Variants in MYPN observed in about 807,000 individuals in gnomAD.
MYPN encodes sarcomeric protein myopalladin, 145 kDa (MYOP).
MYPN carries 63 observed loss-of-function variants against 129.4 expected under a neutral mutation model. The ratio of observed to expected loss-of-function variants is 0.49; its 90% CI spans 0.40 to 0.60. The LOEUF is 0.60. Ranked by LOEUF, MYPN falls within the 20% of genes least tolerant of loss-of-function variation. MYPN has a pLI of 0.00. For synonymous variants in MYPN, 629 were observed against 600.9 expected, an observed-to-expected ratio of 1.05 and a Z score of -0.68; for missense variants, 1,596 against 1,635.4, an observed-to-expected ratio of 0.98 and a Z score of 0.42.
chr10:68,195,413 G>A (rs1564694822), intron 14 of MYPN, 37 bp from the exon 15 acceptor site: 1 of 1,590,182 alleles, frequency 6.3e-7, no homozygotes, highest in Non-Finnish European at 8.6e-7. Flanking sequence ...ATGTGAGATT[G>A]TTCTTGTTTT....
chr10:68,166,703 G>C, intron 10 of MYPN, 37 bp downstream of exon 10: 1 of 1,611,748 alleles, frequency 6.2e-7, no homozygotes, highest in Non-Finnish European at 8.5e-7. Flanking sequence ...AGGAGCTTCT[G>C]TGATCTTTTC....
chr10:68,201,368 G>C (rs1486062598), intron 17 of MYPN, among the ~76,000 whole-genome samples: 2 of 152,214 alleles, frequency 1.3e-5, no homozygotes, highest in African/African-American at 4.8e-5. Context: ...GACATGAGGA[G>C]TGTTCTGACC....
intron 1 of MYPN, among the ~76,000 whole-genome samples, chr10:68,118,564 C>T (rs908106613): frequency 7.2e-5 from 11 of 152,104 alleles, no homozygotes; most frequent in African/African-American, 2.4e-4. Context: ...AGGCACGATG[C>T]CTCATGCCTG....
chr10:68,152,673 T>C (rs2042792746), intron 6 of MYPN, among the ~76,000 whole-genome samples: 1 of 152,234 alleles, frequency 6.6e-6, no homozygotes, highest in Admixed American at 6.5e-5. Context: ...TTCAGTCTTG[T>C]TGCCCAGGCT....
At chr10:68,185,914 A>G (rs1190345456) in intron 12 of MYPN, among the ~76,000 whole-genome samples, 1 of 152,238 alleles carries the variant, frequency 6.6e-6, no homozygotes, top group East Asian at 1.9e-4. Flanking sequence ...ATATTTCTGG[A>G]AAATGTAGTC....
At chr10:68,090,454 C>T (rs911353466) in intron 1 of MYPN, among the ~76,000 whole-genome samples, 4 of 152,118 alleles carry the variant, frequency 2.6e-5, no homozygotes, top group East Asian at 3.9e-4. Context: ...CGTGAGCCAC[C>T]GCGCCAGGCC....
chr10:68,185,603 G>A (rs894120178), intron 12 of MYPN, among the ~76,000 whole-genome samples: 1 of 152,032 alleles, frequency 6.6e-6, no homozygotes, highest in Non-Finnish European at 1.5e-5. Flanking sequence ...AAAAGTTTGG[G>A]GTCTAGGATC....
At chr10:68,182,452 C>A (rs1162515739) in intron 12 of MYPN, among the ~76,000 whole-genome samples, 1 of 116,230 alleles carries the variant, frequency 8.6e-6, no homozygotes, top group Non-Finnish European at 1.7e-5. Context: ...ATATATATAA[C>A]ATATATATAT....
chr10:68,147,739 A>G (rs2042693291), intron 4 of MYPN, among the ~76,000 whole-genome samples: 1 of 152,200 alleles, frequency 6.6e-6, no homozygotes, highest in Non-Finnish European at 1.5e-5. Flanking sequence ...GGCAAGATCC[A>G]CAGACCTCTG....
At chr10:68,110,159 G>C (rs2042061820) in intron 1 of MYPN, among the ~76,000 whole-genome samples, 1 of 152,262 alleles carries the variant, frequency 6.6e-6, no homozygotes, top group East Asian at 1.9e-4. Flanking sequence ...GGATACGCTT[G>C]CTATATTTAG....
At chr10:68,138,815 T>C (rs1405442469) in intron 2 of MYPN, among the ~76,000 whole-genome samples, 1 of 152,180 alleles carries the variant, frequency 6.6e-6, no homozygotes, top group Non-Finnish European at 1.5e-5. Context: ...GGAAACTGCT[T>C]ACCTTCCAGT....
chr10:68,093,926 C>T (rs573153339), intron 1 of MYPN, among the ~76,000 whole-genome samples: 52 of 152,094 alleles, frequency 3.4e-4, no homozygotes, highest in Admixed American at 7.2e-4. Flanking sequence ...GAACTGAGGG[C>T]CCCTCCACTT....
At position 68,116,777 on chromosome 10, in the gene MYPN, A is replaced by G. The variant is rs187432191; in HGVS notation, c.-1-4661A>G. ...AAAGAAAGAAAAAAGAAAACAAAGCATGATTTCAGTTATTTTATCCATCAT... is the reference window on the plus strand; with the variant it reads ...AAAGAAAGAAAAAAGAAAACAAAGCGTGATTTCAGTTATTTTATCCATCAT... On this transcript the variant is annotated intron_variant, in intron 1 of 19. Transcript: ENST00000358913. Among the ~76,000 whole-genome samples, 6 of 152,248 alleles carry G rather than the reference A, an allele frequency of 3.9e-5. No individual in the cohort carries two copies. In the East Asian group the frequency reaches 1.2e-3, roughly 29 times the overall value.
At chr10:68,172,704 G>A (rs1034836150) in intron 10 of MYPN, among the ~76,000 whole-genome samples, 2 of 152,132 alleles carry the variant, frequency 1.3e-5, no homozygotes, top group Non-Finnish European at 2.9e-5. Context: ...TCTAAGGCAA[G>A]GTTTATAATC....
At chr10:68,088,965 T>G (rs1158271878) in intron 1 of MYPN, among the ~76,000 whole-genome samples, 1 of 152,204 alleles carries the variant, frequency 6.6e-6, no homozygotes, top group Non-Finnish European at 1.5e-5. Flanking sequence ...TCTGTTTCTG[T>G]AGACTTGCCT....
At chr10:68,205,136 G>A (rs1251188525) in intron 18 of MYPN, among the ~76,000 whole-genome samples, 2 of 152,074 alleles carry the variant, frequency 1.3e-5, no homozygotes, top group Non-Finnish European at 2.9e-5. Context: ...GTCGTCTCAG[G>A]TCTTTATACA....
rs894332054 is a variant in MYPN at position 68,135,574 on chromosome 10, G to A, written c.903-7366G>A. The A allele has an allele frequency of 4.4e-6, 3 of 684,016 alleles. No homozygotes were observed. The African/African-American group carries it at 5.9e-5, about 13-fold the overall frequency. The allele number at this position is 684,016 out of a possible 1,614,324, so 42.4% of individuals were successfully genotyped here. A position where few individuals can be genotyped will look rare whatever the true frequency, so the allele number is the denominator to read the frequency against. ...TAGGCCCCACATTCTTCACTTAAGA[G>A]ATCAAGCATTGCTAAATGAAGCTGG... On this transcript the variant is annotated intron_variant, in intron 2 of 19. Transcript: ENST00000358913.
At chr10:68,158,180 T>G in intron 6 of MYPN, 1 of 306,336 alleles carries the variant, frequency 3.3e-6, no homozygotes, top group Non-Finnish European at 6.1e-6. Flanking sequence ...TTCTCCCTCA[T>G]TGTTTCCATG....
At chr10:68,150,632 A>G (rs2042753676) in intron 6 of MYPN, among the ~76,000 whole-genome samples, 1 of 152,208 alleles carries the variant, frequency 6.6e-6, no homozygotes, top group South Asian at 2.1e-4. Context: ...AATTTAGTCA[A>G]GCACATTCAT....
Sources: allele counts gnomAD v4.1 joint callset (sites outside exome capture counted in the v4.1 genomes callset), GRCh38; gene constraint gnomAD v4.1.1; transcripts MANE v1.5; gene names NCBI Gene and HGNC (gene_info 2026-07-23, HGNC 2026-07-21).